The following PCDHGB4 variants were observed in gnomAD, a reference collection of about 807,000 sequenced individuals.
PCDHGB4 encodes protocadherin gamma subfamily B, 4, also known as protocadherin gamma-B4.
In PCDHGB4, 38 loss-of-function variants were observed where a neutral mutation model predicts 60.5. That is an observed-to-expected ratio of 0.63 (90% CI 0.48 to 0.82). The LOEUF (loss-of-function observed/expected upper bound fraction) is 0.82, where lower values mean the gene tolerates loss of function less well. PCDHGB4 is among the 40% of genes least tolerant of loss of function. The probability of loss-of-function intolerance (pLI) is 0.00; values close to 1 mark genes in which losing one functional copy is unlikely to be tolerated. For synonymous variants in PCDHGB4, 456 were observed against 509.7 expected (o/e 0.89, Z 1.42); for missense variants, 1,109 against 1,209.6 (o/e 0.92, Z 1.23).
At position 141,507,794 on chromosome 5, in the gene PCDHGB4, C is replaced by CT. The variant is rs576191739; in HGVS notation, c.2545+2314dup. On this transcript the variant is annotated intron_variant, in intron 3 of 3. Coordinates refer to ENST00000519479, the MANE Select transcript of PCDHGB4 (RefSeq NM_003736.4). ...CACAGGGCCTGACCCTCGTCTAAGC[C>CT]TGCGCCCTGGGGAACGGACCCTGGG... 7.9e-4 allele frequency among the ~76,000 whole-genome samples: 120 copies of CT among 152,356 alleles called. 2 individuals carry two copies. The highest frequency in any genetic ancestry group is 2.8e-3 in the African/African-American group (115 of 41,592).
At chr5:141,417,637 A>ATCCCTCAGCCTCTAGCCTGGGAT (rs2096141530) in intron 1 of PCDHGB4, 1 of 724,654 alleles carries the variant, frequency 1.4e-6, no homozygotes, top group Admixed American at 3.5e-5. Flanking sequence ...GACGCCGGGG[A>ATCCCTCAGCCTCTAGCCTGGGAT]TCCCTCAGCC....
At chr5:141,435,516 C>T (rs2097767967) in intron 1 of PCDHGB4, among the ~76,000 whole-genome samples, 1 of 152,058 alleles carries the variant, frequency 6.6e-6, no homozygotes, top group Non-Finnish European at 1.5e-5. Context: ...CTAATGATGA[C>T]TTTGTGGAAT....
intron 1 of PCDHGB4, chr5:141,404,379 C>T (rs548569433): frequency 6.2e-7 from 1 of 1,613,940 alleles, no homozygotes; most frequent in African/African-American, 1.3e-5. Flanking sequence ...TCCGTGATTG[C>T]CTATGACCCT....
At chr5:141,410,764 A>G (rs1288407043) in intron 1 of PCDHGB4, 2 of 1,105,068 alleles carry the variant, frequency 1.8e-6, no homozygotes, top group African/African-American at 1.6e-5. Context: ...TTTTTCAATT[A>G]TAGTTTTCAC....
At chr5:141,418,131 A>C (rs1421799777) in intron 1 of PCDHGB4, 1 of 1,614,044 alleles carries the variant, frequency 6.2e-7, no homozygotes, top group East Asian at 2.2e-5. Flanking sequence ...GACCGAATAG[A>C]CCGTGAGCAA....
rs1263406836 is a variant in PCDHGB4 at position 141,491,918 on chromosome 5, G to A, written c.2398-2889G>A. On this transcript the variant is annotated intron_variant, in intron 1 of 3. Coordinates refer to ENST00000519479, the MANE Select transcript of PCDHGB4 (RefSeq NM_003736.4). The surrounding 1 kb of genome is among the most constrained non-coding windows in gnomAD (Gnocchi z 6.9). ...GCACCGGGGGTGGTGGCGACTGTGGGCGAGGGGAGGTGGGACCGACCCCCA... is the reference window on the plus strand; with the variant it reads ...GCACCGGGGGTGGTGGCGACTGTGGACGAGGGGAGGTGGGACCGACCCCCA... 2 of 1,371,698 alleles carry A rather than the reference G, an allele frequency of 1.5e-6. No homozygotes were observed. Among genetic ancestry groups the A allele is most frequent in the Non-Finnish European group, 1.9e-6 (2 of 1,028,962 alleles). 85.0% of individuals were successfully genotyped at this position (1,371,698 alleles called of 1,614,324 possible).
chr5:141,478,549 A>G lies in PCDHGB4; in HGVS notation c.2398-16258A>G, dbSNP rs369095515. 8 of 1,602,904 alleles carry G rather than the reference A, an allele frequency of 5.0e-6. No individual in the cohort carries two copies. In the African/African-American group the frequency reaches 1.1e-4, roughly 21 times the overall value. On this transcript the variant is annotated intron_variant, in intron 1 of 3. Coordinates refer to ENST00000519479, the MANE Select transcript of PCDHGB4 (RefSeq NM_003736.4). ...CAGAGAGCGCCCCTCCCGGACAGGT[A>G]AGGTTTAGCAAGTCATGCTTGACCC...
chr5:141,428,063 C>T lies in PCDHGB4; in HGVS notation c.2397+37782C>T, dbSNP rs777477669. 12 of 1,609,054 alleles carry T rather than the reference C, an allele frequency of 7.5e-6. No individual in the cohort carries two copies. In the African/African-American group the frequency reaches 1.3e-4, roughly 18 times the overall value. ...TGGTGACCAAGGTGGTGGCGGTGGA[C>T]GCAGATTCGGGACACAACGCTTGGC... On this transcript the variant is annotated intron_variant, in intron 1 of 3. Coordinates refer to ENST00000519479, the MANE Select transcript of PCDHGB4 (RefSeq NM_003736.4).
intron 1 of PCDHGB4, chr5:141,422,520 G>A (rs759529752): frequency 1.9e-6 from 3 of 1,613,946 alleles, no homozygotes; most frequent in South Asian, 2.2e-5. Flanking sequence ...AGGGAAGCCC[G>A]CCTTTGTCTG....
chr5:141,484,940 G>C, intron 1 of PCDHGB4: 1 of 541,138 alleles, frequency 1.8e-6, no homozygotes, highest in Non-Finnish European at 3.3e-6. Flanking sequence ...GACGTTCTCT[G>C]CTCAGCCTAT....
At position 141,389,089 on chromosome 5, in the gene PCDHGB4, T is replaced by G; in HGVS notation, c.1205T>G (p.Leu402Ter). 6.2e-7 allele frequency: 1 copy of G among 1,613,978 alleles called. No homozygotes were observed. The highest frequency in any genetic ancestry group is 2.2e-5 in the East Asian group (1 of 44,888). ...ACTTCTTCAAGAAACACGTATAAAT[T>G]AGTGACAGATGCTGTTCTAGACCGC... ...ILTSSRNTYK[L>*]VTDAVLDREQ... is the part of the protein sequence containing the mutation. Residue 402 changes from leucine to a stop codon, truncating the protein, a stop_gained, in exon 1 of 4, where the codon TTA becomes TGA. Transcript: ENST00000519479. LOFTEE classifies it high-confidence loss of function.
At chr5:141,427,960 G>C (rs759698390) in intron 1 of PCDHGB4, 7 of 1,589,168 alleles carry the variant, frequency 4.4e-6, no homozygotes, top group South Asian at 1.1e-5. Flanking sequence ...AATGTGCCGC[G>C]GGTGCTGTAC....
At chr5:141,478,675 G>T in intron 1 of PCDHGB4, 1 of 1,551,574 alleles carries the variant, frequency 6.4e-7, no homozygotes, top group Non-Finnish European at 8.7e-7. Flanking sequence ...ACTTTCAACT[G>T]GCCCTTCCTA....
chr5:141,402,892 A>G, intron 1 of PCDHGB4: 10 of 1,498,814 alleles, frequency 6.7e-6, no homozygotes, highest in Non-Finnish European at 8.9e-6. Flanking sequence ...GGTGGAAGAA[A>G]GAACCTGATG....
intron 1 of PCDHGB4, chr5:141,414,573 A>G: frequency 6.2e-7 from 1 of 1,613,920 alleles, no homozygotes; most frequent in African/African-American, 1.3e-5. Context: ...CCTATATCCC[A>G]GAGAACAACG....
Position 141,432,587 on chromosome 5 carries a change from A to C in PCDHGB4, c.2397+42306A>C. ...CGCCTGGCTGTCCTACCGTCTGCTC[A>C]AGGCCAGCGAGCCGGGACTCTTCTC... On this transcript the variant is annotated intron_variant, in intron 1 of 3. Transcript: ENST00000519479. This position sits in a 1 kb window ranked among gnomAD's most constrained non-coding sequence, Gnocchi z 6.0. 1.9e-6 allele frequency: 3 copies of C among 1,613,250 alleles called. No individual in the cohort carries two copies. Among genetic ancestry groups the C allele is most frequent in the Non-Finnish European group, 2.5e-6 (3 of 1,179,918 alleles).
At chr5:141,423,102 C>A (rs778561065) in intron 1 of PCDHGB4, 2 of 1,613,802 alleles carry the variant, frequency 1.2e-6, no homozygotes, top group Non-Finnish European at 1.7e-6. Flanking sequence ...AGCACACGGG[C>A]GAGGTGCGTA....
rs1360364370 is a variant in PCDHGB4, at chr5:141,491,814, G to A, written c.2398-2993G>A. 1 of 1,486,114 alleles carries A rather than the reference G, an allele frequency of 6.7e-7. No individual in the cohort carries two copies. The allele number at this position is 1,486,114 out of a possible 1,614,324, so 92.1% of individuals were successfully genotyped here. On this transcript the variant is annotated intron_variant, in intron 1 of 3. Transcript: ENST00000519479. This position sits in a 1 kb window ranked among gnomAD's most constrained non-coding sequence, Gnocchi z 6.9. ...TCCTCTCCGGCCGGCTTGGTCGCTGGCTGCGCTCCACCCGATTCTCGGGAT... is the reference window on the plus strand; with the variant it reads ...TCCTCTCCGGCCGGCTTGGTCGCTGACTGCGCTCCACCCGATTCTCGGGAT...
At chr5:141,463,412 A>G (rs1397215687) in intron 1 of PCDHGB4, among the ~76,000 whole-genome samples, 9 of 127,856 alleles carry the variant, frequency 7.0e-5, no homozygotes, top group Non-Finnish European at 1.5e-4. Flanking sequence ...TGGAGATCCT[A>G]GTTTGCGGAT....
Sources: allele counts gnomAD v4.1 joint callset (sites outside exome capture counted in the v4.1 genomes callset), GRCh38; gene constraint gnomAD v4.1.1; non-coding constraint Gnocchi (gnomAD v3.1); transcripts MANE v1.5; gene names NCBI Gene and HGNC (gene_info 2026-07-23, HGNC 2026-07-21).